CCDC12: variants seen among roughly 807,000 people sequenced by gnomAD.
CCDC12 encodes coiled-coil domain containing 12.
CCDC12 carries 28 observed loss-of-function variants against 25.7 expected under a neutral mutation model. The ratio of observed to expected loss-of-function variants is 1.09; its 90% confidence interval spans 0.81 to 1.50. CCDC12 has a LOEUF of 1.50. CCDC12 is among the 40% of genes most tolerant of loss of function. The pLI is 0.00. For missense variants in CCDC12, 198 were observed against 210.0 expected (o/e 0.94, Z 0.35); for synonymous variants, 75 against 87.7 (o/e 0.86, Z 0.81).
rs751495079 is a variant in CCDC12 at position 46,976,719 on chromosome 3, G to T, written c.14C>A (p.Thr5Lys). 10 of 1,608,614 alleles carry T rather than the reference G, an allele frequency of 6.2e-6. No homozygotes were observed. The highest frequency in any genetic ancestry group is 8.5e-6 in the Non-Finnish European group (10 of 1,177,514). Residue 5 changes from threonine (T) to lysine (K), a missense_variant, in exon 1 of 7, where the codon ACG becomes AAG. Physicochemically the swap from Thr to Lys is moderately conservative, Grantham distance 78. Transcript: ENST00000683445. The stretch of plus-strand genomic sequence containing the variant: ...TTCCTCTAGCCGGCCCACACCAGCC[G>T]TAGTTGCCTCCATCTTGCCCGCGTA... The part of the protein sequence containing the change: MEAT[T>K]AGVGRLEEEA...
intron 2 of CCDC12, 101 bp downstream of exon 2, chr3:46,940,897 G>A (rs2033673322): frequency 2.7e-6 from 3 of 1,122,504 alleles, no homozygotes; most frequent in East Asian, 2.4e-5. Flanking sequence ...AGAGGGGAGG[G>A]AACAGGGCAG....
In CCDC12 at chr3:46,923,616, G is replaced by C. The variant is rs141076138; in HGVS notation, c.297C>G (p.Ile99Met). The change falls in exon 4 of 7, where the codon ATC becomes ATG. Residue 99 changes from isoleucine to methionine, a missense_variant. By Grantham distance (10) the Ile-to-Met change is conservative. Coordinates refer to ENST00000683445, the MANE Select transcript of CCDC12 (RefSeq NM_001277074.2). Reference sequence around the variant, plus strand: ...TGGTCCAGGCACTCACCACCTCCTCGATGACGGGCTCGGGCTTGGCGGCCT... The same window carrying C: ...TGGTCCAGGCACTCACCACCTCCTCCATGACGGGCTCGGGCTTGGCGGCCT... ...QLEAAKPEPVIEEVDLANLAP... is the reference protein window; with the variant it reads ...QLEAAKPEPVMEEVDLANLAP... The C allele has an allele frequency of 6.3e-7, 1 of 1,599,472 alleles. No homozygotes were observed. The highest frequency in any genetic ancestry group is 1.7e-5 in the Admixed American group (1 of 58,596).
chr3:46,959,488 C>T (rs898152795), intron 1 of CCDC12, among the ~76,000 whole-genome samples: 5 of 152,244 alleles, frequency 3.3e-5, no homozygotes, highest in African/African-American at 9.6e-5. Flanking sequence ...CCTGTGTCTT[C>T]GGGGTGAGGC....
At chr3:46,948,005 G>A (rs2033970141) in intron 1 of CCDC12, among the ~76,000 whole-genome samples, 1 of 152,260 alleles carries the variant, frequency 6.6e-6, no homozygotes, top group Non-Finnish European at 1.5e-5. Flanking sequence ...GAAGGAAAGG[G>A]CTGCAGAAAA....
intron 1 of CCDC12, 60 bp from the exon 2 acceptor site, chr3:46,941,125 G>T: frequency 1.3e-6 from 2 of 1,541,432 alleles, no homozygotes; most frequent in Non-Finnish European, 1.8e-6. Context: ...CAGTCCACGT[G>T]GCCCAGGGAG....
intron 1 of CCDC12, among the ~76,000 whole-genome samples, chr3:46,944,192 A>C (rs1460844971): frequency 6.6e-6 from 1 of 152,190 alleles, no homozygotes; most frequent in Non-Finnish European, 1.5e-5. Flanking sequence ...AGGGAAAAGG[A>C]AAAGATTTGT....
chr3:46,926,193 T>A (rs952192670), intron 2 of CCDC12, among the ~76,000 whole-genome samples: 2 of 152,138 alleles, frequency 1.3e-5, no homozygotes, highest in African/African-American at 4.8e-5. Context: ...TGCCTACAGC[T>A]GTGGGAATGT....
At chr3:46,940,843 G>A (rs1575546396) in intron 2 of CCDC12, 155 bp downstream of exon 2, 1 of 687,572 alleles carries the variant, frequency 1.5e-6, no homozygotes, top group East Asian at 2.5e-5. Context: ...CTTCTGAGAT[G>A]TTGAGATTTT....
intron 1 of CCDC12, among the ~76,000 whole-genome samples, chr3:46,961,360 A>C (rs2034459378): frequency 6.6e-6 from 1 of 152,246 alleles, no homozygotes; most frequent in African/African-American, 2.4e-5. Context: ...CATTTAAAAC[A>C]TACAGCCCCA....
At chr3:46,949,509 G>T (rs2034032501) in intron 1 of CCDC12, among the ~76,000 whole-genome samples, 1 of 152,214 alleles carries the variant, frequency 6.6e-6, no homozygotes, top group Non-Finnish European at 1.5e-5. Flanking sequence ...GGTCCTCCCT[G>T]TAGGGGCACT....
At chr3:46,948,364 C>G (rs1367252993) in intron 1 of CCDC12, among the ~76,000 whole-genome samples, 1 of 152,122 alleles carries the variant, frequency 6.6e-6, no homozygotes, top group Non-Finnish European at 1.5e-5. Flanking sequence ...GGGAGAACAG[C>G]GAGGCTAGAG....
At chr3:46,975,473 C>T (rs1261506169) in intron 1 of CCDC12, among the ~76,000 whole-genome samples, 3 of 151,876 alleles carry the variant, frequency 2.0e-5, no homozygotes, top group South Asian at 2.1e-4. Context: ...CCATTGTGCC[C>T]GGCCCTCGTT....
At chr3:46,941,595 G>GT (rs1162776753) in intron 1 of CCDC12, among the ~76,000 whole-genome samples, 14 of 151,158 alleles carry the variant, frequency 9.3e-5, no homozygotes, top group African/African-American at 2.4e-4. Context: ...AAAAAAGTCC[G>GT]TAACTCCAGC....
At chr3:46,979,063 C>T (rs775780007), upstream of CCDC12, among the ~76,000 whole-genome samples, 1 of 152,156 alleles carries the variant, frequency 6.6e-6, no homozygotes, top group Non-Finnish European at 1.5e-5. Context: ...AGTTCTGGGC[C>T]CTGGAGTTGG....
intron 1 of CCDC12, among the ~76,000 whole-genome samples, chr3:46,960,656 G>T (rs1360819043): frequency 6.6e-6 from 1 of 152,192 alleles, no homozygotes; most frequent in Non-Finnish European, 1.5e-5. Context: ...GATACAAGCT[G>T]TTGCTTCCCT....
intron 2 of CCDC12, among the ~76,000 whole-genome samples, chr3:46,933,851 A>AGAT (rs2033331969): frequency 6.6e-6 from 1 of 152,272 alleles, no homozygotes; most frequent in African/African-American, 2.4e-5. Context: ...TGATATGCAC[A>AGAT]GATACATGTT....
chr3:46,961,495 G>T (rs528228645), intron 1 of CCDC12, among the ~76,000 whole-genome samples: 38 of 152,302 alleles, frequency 2.5e-4, no homozygotes, highest in Non-Finnish European at 4.9e-4. Context: ...GCCAGCACTG[G>T]AGGGCCTGGC....
Position 46,941,024 on chromosome 3 carries a change from T to C in CCDC12, c.138A>G (p.Glu46=), listed in dbSNP as rs1230462161. 3.1e-6 allele frequency: 5 copies of C among 1,614,066 alleles called. No individual in the cohort carries two copies. In the Admixed American group the frequency reaches 5.0e-5, roughly 16 times the overall value. ...TGTGCTTCTCGCCTTCTTCCTCCTC[T>C]TCTCTGAGATGCTTGGTCTTTGGCT... ...DGEPKTKHLR[E]EEEEGEKHRE... The change falls in exon 2 of 7, where the codon GAA becomes GAG. Residue 46 remains glutamate, a synonymous_variant. Transcript: ENST00000683445.
chr3:46,923,423 C>A, intron 4 of CCDC12, 60 bp from the exon 5 acceptor site: 2 of 1,556,014 alleles, frequency 1.3e-6, no homozygotes, highest in Non-Finnish European at 1.7e-6. Flanking sequence ...AGGGGGAGGG[C>A]AGGCTCGAGA....
Sources: gnomAD v4.1 joint callset for allele counts (sites outside exome capture counted in the v4.1 genomes callset) on GRCh38, gnomAD v4.1.1 for gene constraint, MANE v1.5 for transcripts, NCBI Gene and HGNC (gene_info 2026-07-23, HGNC 2026-07-21) for gene names.